Variants in CACNG3 observed in about 807,000 individuals in gnomAD.
The protein encoded by CACNG3 is calcium voltage-gated channel auxiliary subunit gamma 3.
In CACNG3, 3 loss-of-function variants were observed where a neutral mutation model predicts 28.5. The observed-to-expected ratio is 0.11, with a 90% CI of 0.05 to 0.27. The LOEUF (loss-of-function observed/expected upper bound fraction) is 0.27. Among genes scored for constraint, CACNG3 ranks in the 10% least tolerant of loss-of-function variants. The probability of loss-of-function intolerance (pLI) is 1.00; values close to 1 mark genes in which losing one functional copy is unlikely to be tolerated. For missense variants in CACNG3, 236 were observed against 414.4 expected, an observed-to-expected ratio of 0.57 and a Z score of 3.74; for synonymous variants, 174 against 162.2, an observed-to-expected ratio of 1.07 and a Z score of -0.55.
chr16:24,358,582 G>A (rs933826000), intron 3 of CACNG3, among the ~76,000 whole-genome samples: 3 of 152,122 alleles, frequency 2.0e-5, no homozygotes, highest in African/African-American at 7.2e-5. Flanking sequence ...ATCAGACTCT[G>A]GGCTGGGAGT....
chr16:24,328,401 T>C (rs1040628512), intron 1 of CACNG3, among the ~76,000 whole-genome samples: 7 of 148,214 alleles, frequency 4.7e-5, no homozygotes, highest in Admixed American at 2.7e-4. Flanking sequence ...TCACAGAGGA[T>C]CTCGTAGGCC....
At chr16:24,291,045 G>C (rs1025205135) in intron 1 of CACNG3, among the ~76,000 whole-genome samples, 12 of 152,182 alleles carry the variant, frequency 7.9e-5, no homozygotes, top group African/African-American at 2.9e-4. Context: ...TACTAGCCAG[G>C]TGACCTTGGG....
At chr16:24,283,618 A>G (rs753617344) in intron 1 of CACNG3, among the ~76,000 whole-genome samples, 1 of 152,230 alleles carries the variant, frequency 6.6e-6, no homozygotes, top group Non-Finnish European at 1.5e-5. Context: ...CAATCATAAC[A>G]TCTGCAAATA....
At chr16:24,264,240 G>C (rs1350742563) in intron 1 of CACNG3, among the ~76,000 whole-genome samples, 4 of 152,232 alleles carry the variant, frequency 2.6e-5, no homozygotes, top group Non-Finnish European at 5.9e-5. Context: ...GGTCGAGTAG[G>C]GGCTGAGAGT....
intron 2 of CACNG3, among the ~76,000 whole-genome samples, chr16:24,354,270 T>C (rs1899997773): frequency 6.6e-6 from 1 of 152,032 alleles, no homozygotes; most frequent in Non-Finnish European, 1.5e-5. Flanking sequence ...TATCATGGTG[T>C]TTTCTATTTG....
intron 1 of CACNG3, among the ~76,000 whole-genome samples, chr16:24,303,816 G>A (rs1415398742): frequency 6.6e-6 from 1 of 152,154 alleles, no homozygotes; most frequent in African/African-American, 2.4e-5. Context: ...TACTCAGGAG[G>A]CTGAGGTGGG....
rs140223850 is a variant in CACNG3 at position 24,256,943 on chromosome 16, G to A, written c.189G>A (p.Leu63=). ...AAGAAGTAATGACCCATTCGGGGCT[G>A]TGGAGGACCTGCTGCCTAGAAGGTA... ...KNEEVMTHSG[L]WRTCCLEGAF... Residue 63 remains leucine (L), a synonymous_variant, in exon 1 of 4, where the codon CTG becomes CTA. Coordinates refer to ENST00000005284, the MANE Select transcript of CACNG3 (RefSeq NM_006539.4). The surrounding 1 kb of genome is among the most constrained non-coding windows in gnomAD (Gnocchi z 4.6). 6.7e-5 allele frequency: 108 copies of A among 1,611,644 alleles called. No homozygotes were observed. Among genetic ancestry groups the A allele is most frequent in the Non-Finnish European group, 8.4e-5 (99 of 1,177,810 alleles).
intron 1 of CACNG3, among the ~76,000 whole-genome samples, chr16:24,306,699 T>C (rs930139319): frequency 6.6e-6 from 1 of 152,084 alleles, no homozygotes; most frequent in South Asian, 2.1e-4. Flanking sequence ...CTCTGCACTA[T>C]CCCAGGCACA....
At chr16:24,355,743 ATGCCAATCAATACTC>A (rs1282003730) in intron 3 of CACNG3, among the ~76,000 whole-genome samples, 1 of 152,076 alleles carries the variant, frequency 6.6e-6, no homozygotes. Context: ...CACTCTTCCT[ATGCCAATCAATACTC>A]TGCCATCACC....
intron 1 of CACNG3, among the ~76,000 whole-genome samples, chr16:24,272,367 ATC>A (rs1261006154): frequency 6.6e-6 from 1 of 151,880 alleles, no homozygotes; most frequent in Non-Finnish European, 1.5e-5. Context: ...TAGCCAATAA[ATC>A]TCTCTCTTTT....
At chr16:24,261,664 A>T (rs1898538688) in intron 1 of CACNG3, among the ~76,000 whole-genome samples, 2 of 152,246 alleles carry the variant, frequency 1.3e-5, no homozygotes, top group South Asian at 4.1e-4. Flanking sequence ...TCATTAAAAA[A>T]TACTTAGAAA....
At chr16:24,291,287 A>G (rs950381385) in intron 1 of CACNG3, among the ~76,000 whole-genome samples, 1 of 152,220 alleles carries the variant, frequency 6.6e-6, no homozygotes, top group Non-Finnish European at 1.5e-5. Flanking sequence ...AGGGACACTC[A>G]GAATGACTGG....
intron 1 of CACNG3, among the ~76,000 whole-genome samples, chr16:24,323,802 C>G (rs1335241889): frequency 6.6e-6 from 1 of 152,214 alleles, no homozygotes; most frequent in Non-Finnish European, 1.5e-5. Flanking sequence ...CAGAGTGTCA[C>G]TGTGGCCCAG....
intron 1 of CACNG3, among the ~76,000 whole-genome samples, chr16:24,272,061 A>G (rs540158616): frequency 1.3e-5 from 2 of 152,076 alleles, no homozygotes; most frequent in African/African-American, 2.4e-5. Flanking sequence ...CTAGAAATCC[A>G]TGAAGACACA....
chr16:24,280,589 G>A (rs899535198), intron 1 of CACNG3, among the ~76,000 whole-genome samples: 2 of 152,114 alleles, frequency 1.3e-5, no homozygotes, highest in African/African-American at 4.8e-5. Flanking sequence ...GCTGAGGTGG[G>A]TGGATCACTT....
At chr16:24,266,232 T>C (rs1305385147) in intron 1 of CACNG3, among the ~76,000 whole-genome samples, 5 of 152,136 alleles carry the variant, frequency 3.3e-5, no homozygotes, top group African/African-American at 4.8e-5. Context: ...TATAGATAAG[T>C]TTGACAGTAG....
intron 1 of CACNG3, among the ~76,000 whole-genome samples, chr16:24,329,031 G>T (rs1010534854): frequency 6.6e-6 from 1 of 152,150 alleles, no homozygotes; most frequent in South Asian, 2.1e-4. Context: ...ATGGGGATCT[G>T]GGGGAGGAGA....
At chr16:24,334,974 C>A (rs948686092) in intron 1 of CACNG3, among the ~76,000 whole-genome samples, 2 of 152,132 alleles carry the variant, frequency 1.3e-5, no homozygotes, top group African/African-American at 4.8e-5. Flanking sequence ...CCCCCATGCC[C>A]AAAATAGAGA....
intron 1 of CACNG3, among the ~76,000 whole-genome samples, chr16:24,289,196 C>T (rs978653753): frequency 1.3e-5 from 2 of 152,048 alleles, no homozygotes; most frequent in African/African-American, 4.8e-5. Flanking sequence ...CTCTCCTTCC[C>T]GATGAATTCG....
Sources: allele counts gnomAD v4.1 joint callset (sites outside exome capture counted in the v4.1 genomes callset), GRCh38; gene constraint gnomAD v4.1.1; non-coding constraint Gnocchi (gnomAD v3.1); transcripts MANE v1.5; gene names NCBI Gene and HGNC (gene_info 2026-07-23, HGNC 2026-07-21).